OR11G2: variants seen among roughly 807,000 people sequenced by gnomAD.
The protein encoded by OR11G2 is olfactory receptor 11G2.
In OR11G2, 2 loss-of-function variants were observed where a neutral mutation model predicts 0.9. That is an observed-to-expected ratio of 2.35 (90% CI 0.96 to 7.38). The LOEUF (loss-of-function observed/expected upper bound fraction) is 7.38, where lower values mean the gene tolerates loss of function less well. Among genes scored for constraint, OR11G2 ranks in the 30% most tolerant of loss-of-function variants. OR11G2 has a pLI of 0.05. For missense variants in OR11G2, 395 were observed against 371.3 expected (o/e 1.06, Z -0.52); for synonymous variants, 153 against 142.0 (o/e 1.08, Z -0.55).
intron 1 of OR11G2, among the ~76,000 whole-genome samples, chr14:20,196,229 G>C (rs556837848): frequency 5.3e-5 from 8 of 152,318 alleles, no homozygotes; most frequent in East Asian, 1.9e-4. Context: ...GGAAGACAGA[G>C]AGCTTTTCTT....
In OR11G2 at chr14:20,198,821, A is replaced by G. The variant is rs1344383393; in HGVS notation, c.*448A>G. On this transcript the variant is annotated 3_prime_UTR_variant, in exon 2 of 2. Coordinates refer to ENST00000641879, the MANE Select transcript of OR11G2 (RefSeq NM_001386033.1). ...AAATACCTGTGAGCATGTTTCTGTT[A>G]TTTCTCCTTTCAGATCTTGATTATT... The G allele has an allele frequency of 6.6e-6, 1 of 151,564 alleles. No homozygotes were observed. The highest frequency in any genetic ancestry group is 1.5e-5 in the Non-Finnish European group (1 of 68,262). The allele number at this position is 151,564 out of a possible 1,614,324, so 9.4% of individuals were successfully genotyped here.
chr14:20,194,005 G>A (rs1203372987), intron 1 of OR11G2, among the ~76,000 whole-genome samples: 5 of 152,142 alleles, frequency 3.3e-5, no homozygotes, highest in African/African-American at 4.8e-5. Flanking sequence ...TTGTGTTAGT[G>A]GAGCATCTTT....
At chr14:20,195,562 G>T (rs962863203) in intron 1 of OR11G2, among the ~76,000 whole-genome samples, 5 of 152,072 alleles carry the variant, frequency 3.3e-5, no homozygotes, top group Admixed American at 3.3e-4. Context: ...AATCATTATG[G>T]ATTGTGTTAA....
intron 1 of OR11G2, chr14:20,197,212 TA>T: frequency 1.6e-6 from 1 of 638,584 alleles, no homozygotes; most frequent in Non-Finnish European, 2.6e-6. Context: ...GAGCCTATGG[TA>T]AAAATGTGAA....
In OR11G2 at chr14:20,198,515, T is replaced by A; in HGVS notation, c.*142T>A. The A allele has an allele frequency of 1.7e-6, 1 of 602,302 alleles. No homozygotes were observed. Among genetic ancestry groups the A allele is most frequent in the Non-Finnish European group, 2.9e-6 (1 of 343,804 alleles). 37.3% of individuals were successfully genotyped at this position (602,302 alleles called of 1,614,324 possible). On this transcript the variant is annotated 3_prime_UTR_variant, in exon 2 of 2. Coordinates refer to ENST00000641879, the MANE Select transcript of OR11G2 (RefSeq NM_001386033.1). Reference sequence around the variant, plus strand: ...AGCCCGAGGCGGGTGGATCACGAGGTCAGGAGATCAAGACCACCCTGGCTA... The same window carrying A: ...AGCCCGAGGCGGGTGGATCACGAGGACAGGAGATCAAGACCACCCTGGCTA...
Position 20,195,392 on chromosome 14 carries a change from T to G in OR11G2, c.-4-2042T>G, listed in dbSNP as rs549075915. ...CTTATCTATACTAAACATACAAAAA[T>G]TAGCCGGGCTGGTGGCTTGTGCCTG... is the stretch of plus-strand genomic sequence containing the variant. On this transcript the variant is annotated intron_variant, in intron 1 of 1. Coordinates refer to ENST00000641879, the MANE Select transcript of OR11G2 (RefSeq NM_001386033.1). 3.3e-5 allele frequency among the ~76,000 whole-genome samples: 5 copies of G among 152,212 alleles called. No homozygotes were observed. The South Asian group carries it at 8.3e-4, about 25-fold the overall frequency.
Position 20,199,959 on chromosome 14 carries a change from T to G in OR11G2, c.*1586T>G. On this transcript the variant is annotated 3_prime_UTR_variant, in exon 2 of 2. Coordinates refer to ENST00000641879, the MANE Select transcript of OR11G2 (RefSeq NM_001386033.1). ...TTTTTAATGGAAGGCACCCAGTAAT[T>G]GTAGATCAGTAAAAATAGTCACCCA... 6.6e-6 allele frequency: 1 copy of G among 151,980 alleles called. No homozygotes were observed. Among genetic ancestry groups the G allele is most frequent in the East Asian group, 1.9e-4 (1 of 5,178 alleles). 9.4% of individuals were successfully genotyped at this position (151,980 alleles called of 1,614,324 possible).
At position 20,197,495 on chromosome 14, in the gene OR11G2, G is replaced by A. The variant is rs1331530755; in HGVS notation, c.58G>A (p.Gly20Ser). ...SSTFTGFILLGFPCPREGQIL... is the reference protein window; with the variant it reads ...SSTFTGFILLSFPCPREGQIL... ...CACCTTCACTGGCTTCATCCTCCTG[G>A]GCTTCCCTTGCCCCAGGGAGGGGCA... Residue 20 changes from glycine (G) to serine (S), a missense_variant, in exon 2 of 2, where the codon GGC becomes AGC. Gly to Ser is a moderately conservative substitution (Grantham distance 56). Coordinates refer to ENST00000641879, the MANE Select transcript of OR11G2 (RefSeq NM_001386033.1). 1.2e-6 allele frequency: 2 copies of A among 1,613,896 alleles called. No homozygotes were observed. The highest frequency in any genetic ancestry group is 1.7e-6 in the Non-Finnish European group (2 of 1,179,978).
chr14:20,198,359 T>G lies in OR11G2; in HGVS notation c.922T>G (p.Phe308Val), dbSNP rs1879823269. The stretch of plus-strand genomic sequence containing the variant: ...AGATATGAGAAAAGCTCTGAAGAAA[T>G]TTTGGGGAACATAAAATGTTAATCA... ...NKDMRKALKK[F>V]WGT is the part of the protein sequence containing the mutation. Residue 308 changes from phenylalanine to valine, a missense_variant, in exon 2 of 2, where the codon TTT becomes GTT. Physicochemically the swap from Phe to Val is conservative, Grantham distance 50. Transcript: ENST00000641879. 3 of 1,556,348 alleles carry G rather than the reference T, an allele frequency of 1.9e-6. No homozygotes were observed. In the South Asian group the frequency reaches 3.7e-5, roughly 19 times the overall value.
At position 20,191,891 on chromosome 14, in the gene OR11G2, A is replaced by AT. The variant is rs34333327; in HGVS notation, c.-5+244dup. On this transcript the variant is annotated intron_variant, in intron 1 of 1. Transcript: ENST00000641879. The stretch of plus-strand genomic sequence containing the variant: ...ATAAATGTCAAACTACCCAACTGGC[A>AT]TTTTTTTTTTTTTTTTTTTGAGACA... Among the ~76,000 whole-genome samples the AT allele has an allele frequency of 2.9e-3, 342 of 117,010 alleles. 4 individuals are homozygous for AT. In the South Asian group the frequency reaches 0.03, roughly 10 times the overall value. 76.8% of individuals were successfully genotyped at this position (117,010 alleles called of 152,430 possible). A position where few individuals can be genotyped will look rare whatever the true frequency, so the allele number is the denominator to read the frequency against.
intron 1 of OR11G2, among the ~76,000 whole-genome samples, chr14:20,193,459 G>A (rs980106535): frequency 1.3e-5 from 2 of 152,200 alleles, no homozygotes; most frequent in African/African-American, 4.8e-5. Context: ...TTGTTCCACA[G>A]TCAAATGGAT....
chr14:20,198,440 T>A lies in OR11G2; in HGVS notation c.*67T>A. 1 of 1,238,866 alleles carries A rather than the reference T, an allele frequency of 8.1e-7. No individual in the cohort carries two copies. Among genetic ancestry groups the A allele is most frequent in the Non-Finnish European group, 1.1e-6 (1 of 887,328 alleles). The allele number at this position is 1,238,866 out of a possible 1,614,324, so 76.7% of individuals were successfully genotyped here. On this transcript the variant is annotated 3_prime_UTR_variant, in exon 2 of 2. Coordinates refer to ENST00000641879, the MANE Select transcript of OR11G2 (RefSeq NM_001386033.1). ...TAATTTTGGGGTTTAAAAAAAAAACTGGTCTTGGCCAGGCGCGGTGGCTTA... is the reference window on the plus strand; with the variant it reads ...TAATTTTGGGGTTTAAAAAAAAAACAGGTCTTGGCCAGGCGCGGTGGCTTA...
chr14:20,197,002 G>A (rs2139112066), intron 1 of OR11G2, among the ~76,000 whole-genome samples: 1 of 152,304 alleles, frequency 6.6e-6, no homozygotes, highest in Middle Eastern at 3.4e-3. Flanking sequence ...CTCAGTCTCT[G>A]CCACAAAAAG....
At chr14:20,192,347 T>C (rs1879670884) in intron 1 of OR11G2, among the ~76,000 whole-genome samples, 1 of 152,226 alleles carries the variant, frequency 6.6e-6, no homozygotes, top group Non-Finnish European at 1.5e-5. Context: ...CCATTTCATA[T>C]AAAGAAAATG....
At chr14:20,195,831 A>G (rs1879740225) in intron 1 of OR11G2, among the ~76,000 whole-genome samples, 1 of 152,322 alleles carries the variant, frequency 6.6e-6, no homozygotes, top group Non-Finnish European at 1.5e-5. Context: ...CAAATCAACA[A>G]GAGAAAAACA....
Position 20,197,547 on chromosome 14 carries a change from T to C in OR11G2, c.110T>C (p.Val37Ala). The C allele has an allele frequency of 1.2e-6, 2 of 1,614,186 alleles. No homozygotes were observed. The highest frequency in any genetic ancestry group is 1.1e-5 in the South Asian group (1 of 91,082). ...ATCCTCCTCTTTGTGCTCTTCACTG[T>C]TGTTTACCTCCTGACCCTCATGGGC... is the stretch of plus-strand genomic sequence containing the variant. ...GQILLFVLFT[V>A]VYLLTLMGNG... Residue 37 changes from valine (V) to alanine (A), a missense_variant, in exon 2 of 2, where the codon GTT (valine) becomes GCT (alanine). Val to Ala is a moderately conservative substitution (Grantham distance 64). Coordinates refer to ENST00000641879, the MANE Select transcript of OR11G2 (RefSeq NM_001386033.1).
chr14:20,200,564 T>A lies in OR11G2; in HGVS notation c.*2191T>A, dbSNP rs1879882565. On this transcript the variant is annotated 3_prime_UTR_variant, in exon 2 of 2. Coordinates refer to ENST00000641879, the MANE Select transcript of OR11G2 (RefSeq NM_001386033.1). ...TTCTCTCACACTTAGCTGGTGGGCGTATCAGCTTTACAAACTCTATATAGG... is the reference window on the plus strand; with the variant it reads ...TTCTCTCACACTTAGCTGGTGGGCGAATCAGCTTTACAAACTCTATATAGG... The A allele has an allele frequency of 6.6e-6, 1 of 152,202 alleles. No individual in the cohort carries two copies. The highest frequency in any genetic ancestry group is 2.1e-4 in the South Asian group (1 of 4,826). 9.4% of individuals were successfully genotyped at this position (152,202 alleles called of 1,614,324 possible). A position where few individuals can be genotyped will look rare whatever the true frequency, so the allele number is the denominator to read the frequency against.
chr14:20,195,578 C>T (rs1879735956), intron 1 of OR11G2, among the ~76,000 whole-genome samples: 1 of 152,144 alleles, frequency 6.6e-6, no homozygotes, highest in Non-Finnish European at 1.5e-5. Flanking sequence ...GTTAAAATTT[C>T]TCCCTCAGTT....
chr14:20,193,772 T>C (rs1037536399), intron 1 of OR11G2, among the ~76,000 whole-genome samples: 5 of 152,186 alleles, frequency 3.3e-5, no homozygotes, highest in African/African-American at 9.7e-5. Flanking sequence ...ACAGAGACTA[T>C]AGAGCCCATG....
Sources: allele counts gnomAD v4.1 joint callset (sites outside exome capture counted in the v4.1 genomes callset), GRCh38; gene constraint gnomAD v4.1.1; transcripts MANE v1.5; gene names NCBI Gene and HGNC (gene_info 2026-07-23, HGNC 2026-07-21).